Variants in NCALD observed in about 807,000 individuals in gnomAD.
NCALD encodes the protein neurocalcin-delta.
A neutral mutation model predicts 18.6 loss-of-function variants in NCALD; 10 were observed. The ratio of observed to expected loss-of-function variants is 0.54; its 90% CI spans 0.33 to 0.91. NCALD has a LOEUF of 0.91. Among genes scored for constraint, NCALD ranks in the 40% least tolerant of loss-of-function variants. NCALD has a pLI of 0.03. For missense variants in NCALD, 184 were observed against 247.6 expected (o/e 0.74, Z 1.72); for synonymous variants, 88 against 87.4 (o/e 1.01, Z -0.04).
chr8:101,954,374 C>T (rs934898727), intron 2 of NCALD, among the ~76,000 whole-genome samples: 1 of 152,110 alleles, frequency 6.6e-6, no homozygotes, highest in African/African-American at 2.4e-5. Context: ...CAGCCCTGAG[C>T]CCGAGGCCCT....
chr8:101,720,852 T>TG, intron 1 of NCALD, among the ~76,000 whole-genome samples: 1 of 152,344 alleles, frequency 6.6e-6, no homozygotes, highest in African/African-American at 2.4e-5. Context: ...TACCAGTGTG[T>TG]TTCTGGTTCT....
intron 1 of NCALD, among the ~76,000 whole-genome samples, chr8:102,072,454 A>G (rs1169676817): frequency 6.6e-6 from 1 of 152,154 alleles, no homozygotes; most frequent in South Asian, 2.1e-4. Context: ...CTGATAGTCA[A>G]CCATTTTTCA....
At position 102,042,750 on chromosome 8, in the gene NCALD, G is replaced by A. The variant is rs866969816; in HGVS notation, c.-209-22461C>T. 5.9e-4 allele frequency among the ~76,000 whole-genome samples: 87 copies of A among 148,336 alleles called. 1 individual carries two copies. The highest frequency in any genetic ancestry group is 2.1e-3 in the African/African-American group (83 of 39,836). On this transcript the variant is annotated intron_variant, in intron 1 of 6. Coordinates refer to the NCALD transcript ENST00000311028. ...CATTATCTGCATCGCAGAAGCTAGAGATGAAAACACCCCATGATCAGGGTG... is the reference window on the plus strand; with the variant it reads ...CATTATCTGCATCGCAGAAGCTAGAAATGAAAACACCCCATGATCAGGGTG...
At chr8:102,040,478 A>AG (rs1179217180) in intron 1 of NCALD, among the ~76,000 whole-genome samples, 2 of 150,706 alleles carry the variant, frequency 1.3e-5, no homozygotes, top group African/African-American at 2.5e-5. Flanking sequence ...CATCAAAAAA[A>AG]AAAAAGAAAA....
chr8:101,714,719 G>GCTACCTGACTTCAAACTATACTACAA (rs1563686039), intron 2 of NCALD, among the ~76,000 whole-genome samples: 32 of 145,320 alleles, frequency 2.2e-4, no homozygotes, highest in African/African-American at 7.5e-4. Context: ...GCTGGGGGCC[G>GCTACCTGACTTCAAACTATACTACAA]GGCACGGTGG....
intron 2 of NCALD, among the ~76,000 whole-genome samples, chr8:101,969,418 T>C (rs1360656833): frequency 6.6e-6 from 1 of 152,244 alleles, no homozygotes; most frequent in African/African-American, 2.4e-5. Flanking sequence ...CACTTCGTAA[T>C]GATGATACTG....
intron 2 of NCALD, among the ~76,000 whole-genome samples, chr8:101,943,382 C>T (rs144472019): frequency 2.6e-5 from 4 of 152,300 alleles, no homozygotes; most frequent in African/African-American, 9.6e-5. Context: ...TTTTACAGGG[C>T]TGATTAGGAC....
chr8:102,031,989 C>T (rs1822689723), intron 1 of NCALD, among the ~76,000 whole-genome samples: 1 of 152,148 alleles, frequency 6.6e-6, no homozygotes, highest in Non-Finnish European at 1.5e-5. Flanking sequence ...TGCTAATTTT[C>T]TCTCTCTGAG....
chr8:101,706,204 A>T (rs1815511878), intron 2 of NCALD, among the ~76,000 whole-genome samples: 1 of 152,206 alleles, frequency 6.6e-6, no homozygotes, highest in Non-Finnish European at 1.5e-5. Context: ...AGGTTAAAAA[A>T]TACCAAAGAG....
chr8:102,004,163 T>G (rs1186723796), intron 2 of NCALD, among the ~76,000 whole-genome samples: 3 of 151,850 alleles, frequency 2.0e-5, no homozygotes, highest in Non-Finnish European at 4.4e-5. Flanking sequence ...CTTAAGCTGA[T>G]AAGCAACTTC....
chr8:102,026,525 T>C (rs1380542676), intron 1 of NCALD, among the ~76,000 whole-genome samples: 1 of 152,220 alleles, frequency 6.6e-6, no homozygotes, highest in East Asian at 1.9e-4. Context: ...ATCCAGGTCA[T>C]GCTGATGCAA....
intron 1 of NCALD, among the ~76,000 whole-genome samples, chr8:102,111,704 T>C (rs550252227): frequency 6.6e-6 from 1 of 152,298 alleles, no homozygotes. Context: ...AACTGCAGTA[T>C]TTAAGGCCCT....
intron 4 of NCALD, among the ~76,000 whole-genome samples, chr8:101,815,876 A>C (rs1415901221): frequency 6.6e-6 from 1 of 152,202 alleles, no homozygotes; most frequent in Non-Finnish European, 1.5e-5. Context: ...CATAATTGCC[A>C]AAACTTGAAA....
chr8:101,933,018 T>C (rs1382382223), intron 2 of NCALD, among the ~76,000 whole-genome samples: 1 of 152,218 alleles, frequency 6.6e-6, no homozygotes, highest in Non-Finnish European at 1.5e-5. Flanking sequence ...TGCACACATA[T>C]GCACATATAC....
intron 3 of NCALD, among the ~76,000 whole-genome samples, chr8:101,896,005 A>T (rs1205235093): frequency 2.0e-5 from 3 of 151,138 alleles, no homozygotes; most frequent in African/African-American, 7.4e-5. Flanking sequence ...ACAGAATTGG[A>T]AAAAACTACT....
At chr8:102,117,199 C>T (rs1487871079) in intron 1 of NCALD, among the ~76,000 whole-genome samples, 1 of 152,172 alleles carries the variant, frequency 6.6e-6, no homozygotes, top group Non-Finnish European at 1.5e-5. Flanking sequence ...TTTGTTTCAG[C>T]GGCCACAGGA....
At chr8:102,027,109 G>C (rs955798223) in intron 1 of NCALD, among the ~76,000 whole-genome samples, 8 of 152,214 alleles carry the variant, frequency 5.3e-5, no homozygotes, top group Non-Finnish European at 1.2e-4. Context: ...CCAGGCCTTT[G>C]ATGGCAGGGG....
chr8:101,973,279 G>T (rs1820307173), intron 2 of NCALD, among the ~76,000 whole-genome samples: 1 of 152,002 alleles, frequency 6.6e-6, no homozygotes, highest in Non-Finnish European at 1.5e-5. Flanking sequence ...GGCTCCTCTT[G>T]GCTGTGACTG....
chr8:102,110,790 C>T (rs895540770), intron 1 of NCALD, among the ~76,000 whole-genome samples: 6 of 152,114 alleles, frequency 3.9e-5, no homozygotes, highest in East Asian at 1.9e-4. Context: ...AAAAGGTTAT[C>T]GTACAGAAAT....
Sources: allele counts gnomAD v4.1 joint callset (sites outside exome capture counted in the v4.1 genomes callset), GRCh38; gene constraint gnomAD v4.1.1; transcripts MANE v1.5; gene names NCBI Gene and HGNC (gene_info 2026-07-23, HGNC 2026-07-21).